Variants in SCAI observed in about 807,000 individuals in gnomAD.
The protein encoded by SCAI is suppressor of cancer cell invasion, also known as protein SCAI.
SCAI carries 24 observed loss-of-function variants against 92.2 expected under a neutral mutation model. That is an observed-to-expected ratio of 0.26 (90% confidence interval 0.19 to 0.37). SCAI has a LOEUF of 0.37. Among genes scored for constraint, SCAI ranks in the 10% least tolerant of loss-of-function variants. SCAI has a pLI of 1.00. For missense variants in SCAI, 450 were observed against 736.2 expected (o/e 0.61, Z 4.50); for synonymous variants, 261 against 258.6 (o/e 1.01, Z -0.09).
intron 3 of SCAI, among the ~76,000 whole-genome samples, chr9:125,042,196 A>G (rs774777918): frequency 2.0e-5 from 3 of 152,112 alleles, no homozygotes; most frequent in Non-Finnish European, 4.4e-5. Flanking sequence ...TCTTTTTTCC[A>G]AGATTTTGGA....
intron 2 of SCAI, among the ~76,000 whole-genome samples, chr9:125,128,550 G>A (rs1337197233): frequency 6.7e-6 from 1 of 150,086 alleles, no homozygotes; most frequent in Non-Finnish European, 1.5e-5. Context: ...TCAGGAGATC[G>A]AGACCATCCT....
At chr9:125,120,789 G>A (rs971934947) in intron 2 of SCAI, among the ~76,000 whole-genome samples, 1 of 152,158 alleles carries the variant, frequency 6.6e-6, no homozygotes, top group South Asian at 2.1e-4. Flanking sequence ...CAGGAGGATC[G>A]CTTGACTGCT....
chr9:125,021,346 C>T (rs1832866743), intron 6 of SCAI, among the ~76,000 whole-genome samples: 2 of 152,118 alleles, frequency 1.3e-5, no homozygotes, highest in African/African-American at 2.4e-5. Flanking sequence ...ATATCTACCA[C>T]CTTGCTATTT....
intron 2 of SCAI, among the ~76,000 whole-genome samples, chr9:125,139,464 A>G (rs1002946857): frequency 6.6e-6 from 1 of 152,186 alleles, no homozygotes; most frequent in Non-Finnish European, 1.5e-5. Flanking sequence ...AAACCAAAGC[A>G]AAGAGGGAAC....
chr9:125,066,733 G>A (rs997917377), intron 2 of SCAI, among the ~76,000 whole-genome samples: 2 of 152,282 alleles, frequency 1.3e-5, no homozygotes, highest in East Asian at 1.9e-4. Context: ...GATTACAGGC[G>A]TGAGCCACTG....
chr9:125,046,838 T>A (rs1453316431), intron 3 of SCAI, among the ~76,000 whole-genome samples: 1 of 151,976 alleles, frequency 6.6e-6, no homozygotes, highest in African/African-American at 2.4e-5. Flanking sequence ...GGAGCTAACA[T>A]ATAAGACCTG....
chr9:125,138,076 C>G (rs561559104), intron 2 of SCAI, among the ~76,000 whole-genome samples: 12 of 152,194 alleles, frequency 7.9e-5, no homozygotes, highest in African/African-American at 2.9e-4. Context: ...CTGGCTTTAT[C>G]TGCTTCTTTC....
intron 2 of SCAI, among the ~76,000 whole-genome samples, chr9:125,126,592 G>GAA (rs1176343137): frequency 6.6e-6 from 1 of 151,676 alleles, no homozygotes; most frequent in East Asian, 1.9e-4. Flanking sequence ...GTGTGTGTGA[G>GAA]AGAGAGAGAG....
rs559902266 is a variant in SCAI at position 125,130,142 on chromosome 9, G to A, written c.98+12491C>T. On this transcript the variant is annotated intron_variant, in intron 2 of 17. Coordinates refer to ENST00000336505, the MANE Select transcript of SCAI (RefSeq NM_001144877.3). The stretch of plus-strand genomic sequence containing the variant: ...TCGAACTCCTGACCTCAGGTGATCC[G>A]CCCGCCTCGGCCTTCCAAAGTGCTG... Among the ~76,000 whole-genome samples the A allele has an allele frequency of 9.9e-5, 15 of 151,588 alleles. No homozygotes were observed. The East Asian group carries it at 2.2e-3, about 22-fold the overall frequency.
intron 2 of SCAI, among the ~76,000 whole-genome samples, chr9:125,121,578 T>C (rs998809425): frequency 6.6e-6 from 1 of 152,014 alleles, no homozygotes; most frequent in Non-Finnish European, 1.5e-5. Flanking sequence ...AGGCTGGACA[T>C]GGTGGCTCAA....
chr9:125,032,191 A>ATTTTTTTTT (rs1254303558), intron 3 of SCAI, among the ~76,000 whole-genome samples: 1 of 80,630 alleles, frequency 1.2e-5, no homozygotes, highest in African/African-American at 5.5e-5. Flanking sequence ...ATATATATAT[A>ATTTTTTTTT]TATATTTTTT....
chr9:124,971,289 T>C (rs1831654193), intron 17 of SCAI, 81 bp downstream of exon 17: 1 of 697,532 alleles, frequency 1.4e-6, no homozygotes, highest in African/African-American at 1.9e-5. Flanking sequence ...TATAACCTTA[T>C]TTTATACAGG....
chr9:125,102,043 C>T (rs537286111), intron 2 of SCAI, among the ~76,000 whole-genome samples: 1 of 152,288 alleles, frequency 6.6e-6, no homozygotes, highest in South Asian at 2.1e-4. Context: ...CACATCATTC[C>T]TTGATGTGGG....
chr9:125,006,522 C>T (rs991394257), intron 9 of SCAI, among the ~76,000 whole-genome samples: 4 of 152,288 alleles, frequency 2.6e-5, no homozygotes, highest in African/African-American at 9.6e-5. Context: ...GACGGAGTCT[C>T]GCTCTGTCAC....
At chr9:125,026,695 A>C (rs567310821) in intron 6 of SCAI, 117 bp downstream of exon 6, 1 of 575,162 alleles carries the variant, frequency 1.7e-6, no homozygotes, top group Non-Finnish European at 3.1e-6. Context: ...CAGGCACTCA[A>C]TAAAGCCTGG....
chr9:125,130,358 A>T (rs963717961), intron 2 of SCAI, among the ~76,000 whole-genome samples: 4 of 152,188 alleles, frequency 2.6e-5, no homozygotes, highest in African/African-American at 4.8e-5. Context: ...GGGGGACAGA[A>T]GGGAATTTTG....
chr9:125,130,781 C>T (rs1159650825), intron 2 of SCAI, among the ~76,000 whole-genome samples: 2 of 151,510 alleles, frequency 1.3e-5, no homozygotes, highest in Admixed American at 6.6e-5. Flanking sequence ...CTGTGCCCGG[C>T]CAAGACTGGA....
At chr9:125,132,358 C>T (rs1835420050) in intron 2 of SCAI, among the ~76,000 whole-genome samples, 2 of 152,052 alleles carry the variant, frequency 1.3e-5, no homozygotes, top group Admixed American at 1.3e-4. Flanking sequence ...ATGACCCACC[C>T]ACCTCGGCCG....
chr9:125,010,867 C>T (rs1159278630), intron 9 of SCAI, among the ~76,000 whole-genome samples: 1 of 152,180 alleles, frequency 6.6e-6, no homozygotes, highest in Non-Finnish European at 1.5e-5. Flanking sequence ...GCAGCATTCA[C>T]GGTTCACGAA....
Sources: gnomAD v4.1 joint callset for allele counts (sites outside exome capture counted in the v4.1 genomes callset) on GRCh38, gnomAD v4.1.1 for gene constraint, MANE v1.5 for transcripts, NCBI Gene and HGNC (gene_info 2026-07-23, HGNC 2026-07-21) for gene names.